Variants in CNTLN observed in about 807,000 individuals in gnomAD.
CNTLN encodes the protein centlein.
CNTLN carries 212 observed loss-of-function variants against 180.0 expected under a neutral mutation model. That is an observed-to-expected ratio of 1.18 (90% CI 1.05 to 1.32). CNTLN has a LOEUF of 1.32. CNTLN is among the 40% of genes most tolerant of loss of function. The pLI is 0.00. For missense variants in CNTLN, 2,095 were observed against 1,610.9 expected, an observed-to-expected ratio of 1.30 and a Z score of -5.14; for synonymous variants, 722 against 563.1, an observed-to-expected ratio of 1.28 and a Z score of -3.99.
intron 13 of CNTLN, among the ~76,000 whole-genome samples, chr9:17,376,576 C>G (rs995067187): frequency 2.6e-5 from 4 of 152,068 alleles, no homozygotes; most frequent in African/African-American, 9.7e-5. Flanking sequence ...CTCAGCCTCC[C>G]AAGTAGCTGG....
intron 2 of CNTLN, among the ~76,000 whole-genome samples, chr9:17,222,301 T>C (rs1277955297): frequency 2.0e-5 from 3 of 152,060 alleles, no homozygotes; most frequent in Non-Finnish European, 4.4e-5. Context: ...AAAATAGTTC[T>C]TGTCAAGATA....
chr9:17,358,049 A>G (rs185498436), intron 12 of CNTLN, among the ~76,000 whole-genome samples: 1 of 152,122 alleles, frequency 6.6e-6, no homozygotes, highest in Admixed American at 6.5e-5. Context: ...ATTTGGTAAT[A>G]TATTTTCCAA....
chr9:17,526,102 A>G, the CNTLN span, among the ~76,000 whole-genome samples: 1 of 151,892 alleles, frequency 6.6e-6, no homozygotes, highest in Admixed American at 6.6e-5. Context: ...CACCCAGCTA[A>G]TTTTTTGTAT....
chr9:17,203,151 T>A (rs1587128343), intron 2 of CNTLN, among the ~76,000 whole-genome samples: 1 of 152,334 alleles, frequency 6.6e-6, no homozygotes. Context: ...TTTAAGAATG[T>A]TGAATATTGG....
chr9:17,343,556 A>T (rs1363909404), intron 12 of CNTLN, among the ~76,000 whole-genome samples: 1 of 152,080 alleles, frequency 6.6e-6, no homozygotes, highest in Non-Finnish European at 1.5e-5. Context: ...AGTGCAGTAT[A>T]CTCTATTAGT....
At chr9:17,441,283 C>T (rs756945735) in intron 18 of CNTLN, among the ~76,000 whole-genome samples, 2 of 152,038 alleles carry the variant, frequency 1.3e-5, no homozygotes, top group African/African-American at 2.4e-5. Context: ...GTATAAAGGT[C>T]ACTGGTAAAG....
intron 8 of CNTLN, among the ~76,000 whole-genome samples, chr9:17,312,358 TATATATTATATATATATATATATATAA>T (rs1215115101): frequency 3.3e-4 from 5 of 15,304 alleles, no homozygotes; most frequent in Non-Finnish European, 4.2e-4. Context: ...TATATATATA[TATATATTATATATATATATATATATAA>T]TTTATTTATT....
chr9:17,259,569 C>T (rs1256467780), intron 5 of CNTLN, among the ~76,000 whole-genome samples: 9 of 150,460 alleles, frequency 6.0e-5, no homozygotes, highest in Non-Finnish European at 7.4e-5. Flanking sequence ...CCTCCTTGTA[C>T]CTCTGGTAGA....
intron 18 of CNTLN, among the ~76,000 whole-genome samples, chr9:17,456,529 A>G (rs1588039107): frequency 6.6e-6 from 1 of 152,128 alleles, no homozygotes. Context: ...GTTTCTAGAA[A>G]TTGTGTTTTA....
intron 2 of CNTLN, among the ~76,000 whole-genome samples, chr9:17,214,999 C>A (rs537255043): frequency 2.0e-4 from 30 of 152,298 alleles, no homozygotes; most frequent in South Asian, 1.0e-3. Context: ...TGGGTTCGAA[C>A]TTCCTCCTTT....
intron 2 of CNTLN, among the ~76,000 whole-genome samples, chr9:17,178,240 T>C (rs553059761): frequency 2.6e-5 from 4 of 152,310 alleles, no homozygotes; most frequent in Non-Finnish European, 4.4e-5. Context: ...TTGGTATGTT[T>C]ACAAACCTTG....
chr9:17,341,965 G>T (rs1026621158), intron 11 of CNTLN, among the ~76,000 whole-genome samples: 1 of 152,074 alleles, frequency 6.6e-6, no homozygotes, highest in African/African-American at 2.4e-5. Flanking sequence ...CATTCATCTT[G>T]GTTAGCAGCA....
At chr9:17,455,143 T>C (rs772199758) in intron 18 of CNTLN, among the ~76,000 whole-genome samples, 1 of 152,124 alleles carries the variant, frequency 6.6e-6, no homozygotes, top group Non-Finnish European at 1.5e-5. Context: ...CCGACAGAAG[T>C]TAGTAATAGA....
intron 2 of CNTLN, among the ~76,000 whole-genome samples, chr9:17,155,756 C>T (rs1049467914): frequency 7.9e-5 from 12 of 151,934 alleles, no homozygotes; most frequent in African/African-American, 2.4e-4. Flanking sequence ...TTCTCTCTGG[C>T]TTGTGTTCTG....
chr9:17,186,878 T>C (rs1821464877), intron 2 of CNTLN, among the ~76,000 whole-genome samples: 1 of 152,064 alleles, frequency 6.6e-6, no homozygotes, highest in African/African-American at 2.4e-5. Context: ...CCTTCCAGAC[T>C]ACCTACTTAA....
chr9:17,441,322 T>C (rs1830094714), intron 18 of CNTLN, among the ~76,000 whole-genome samples: 1 of 152,174 alleles, frequency 6.6e-6, no homozygotes, highest in South Asian at 2.1e-4. Flanking sequence ...TCACTTTTTA[T>C]TCTGGCATAG....
chr9:17,202,962 A>G (rs1225986739), intron 2 of CNTLN, among the ~76,000 whole-genome samples: 2 of 151,970 alleles, frequency 1.3e-5, no homozygotes, highest in Non-Finnish European at 2.9e-5. Context: ...GTGTTTTTGC[A>G]GTGGCTGGTA....
At chr9:17,424,043 A>G (rs150763309) in intron 18 of CNTLN, among the ~76,000 whole-genome samples, 1 of 152,204 alleles carries the variant, frequency 6.6e-6, no homozygotes, top group East Asian at 1.9e-4. Context: ...TAATTGTTGA[A>G]TTTGATGCTT....
chr9:17,267,083 G>T (rs1431591345), intron 5 of CNTLN, among the ~76,000 whole-genome samples: 1 of 152,122 alleles, frequency 6.6e-6, no homozygotes, highest in African/African-American at 2.4e-5. Flanking sequence ...CTGTCATTAT[G>T]ATGTTAGCTG....
Sources: gnomAD v4.1 joint callset for allele counts (sites outside exome capture counted in the v4.1 genomes callset) on GRCh38, gnomAD v4.1.1 for gene constraint, MANE v1.5 for transcripts, NCBI Gene and HGNC (gene_info 2026-07-23, HGNC 2026-07-21) for gene names.